DGKB: variants seen among roughly 807,000 people sequenced by gnomAD.
DGKB encodes diacylglycerol kinase beta.
Under a neutral mutation model 114.3 loss-of-function variants are expected in DGKB, and 67 were observed. The ratio of observed to expected loss-of-function variants is 0.59; its 90% CI spans 0.48 to 0.72. DGKB has a LOEUF of 0.72. Among genes scored for constraint, DGKB ranks in the 30% least tolerant of loss-of-function variants. DGKB has a pLI of 0.00. For synonymous variants in DGKB, 398 were observed against 323.1 expected (o/e 1.23, Z -2.49); for missense variants, 907 against 975.2 (o/e 0.93, Z 0.93).
At chr7:14,291,065 C>T (rs1369126429) in intron 23 of DGKB, among the ~76,000 whole-genome samples, 1 of 147,430 alleles carries the variant, frequency 6.8e-6, no homozygotes, top group Non-Finnish European at 1.5e-5. Flanking sequence ...TCACTTGATC[C>T]CAAGAGGCAG....
intron 23 of DGKB, among the ~76,000 whole-genome samples, chr7:14,218,097 G>A (rs565499718): frequency 6.6e-6 from 1 of 152,052 alleles, no homozygotes; most frequent in African/African-American, 2.4e-5. Flanking sequence ...ACATGTCCCA[G>A]ATGAAACTTC....
chr7:14,912,148 C>T (rs112911405), intron 1 of DGKB, among the ~76,000 whole-genome samples: 4 of 151,996 alleles, frequency 2.6e-5, no homozygotes, highest in Non-Finnish European at 4.4e-5. Context: ...TTAGATGAAC[C>T]GGAATCTCTC....
At chr7:14,511,057 G>A (rs1212400265) in intron 20 of DGKB, among the ~76,000 whole-genome samples, 4 of 152,082 alleles carry the variant, frequency 2.6e-5, no homozygotes, top group Admixed American at 1.3e-4. Flanking sequence ...GATTATTAAG[G>A]GTCCTAGGAT....
chr7:14,577,777 T>C (rs1315310754), intron 19 of DGKB, among the ~76,000 whole-genome samples: 2 of 152,204 alleles, frequency 1.3e-5, no homozygotes, highest in Admixed American at 6.5e-5. Context: ...ATTCTTACAG[T>C]GTCAACTTTT....
intron 6 of DGKB, among the ~76,000 whole-genome samples, chr7:14,707,212 T>C (rs1826439599): frequency 7.3e-6 from 1 of 136,352 alleles, no homozygotes; most frequent in Non-Finnish European, 1.6e-5. Context: ...AACTAGAAAA[T>C]CTAGAAGAAA....
chr7:14,873,346 T>C (rs1852769984), intron 1 of DGKB, among the ~76,000 whole-genome samples: 1 of 152,114 alleles, frequency 6.6e-6, no homozygotes, highest in Non-Finnish European at 1.5e-5. Flanking sequence ...CATATTTTGT[T>C]CTTAATCATG....
At chr7:14,257,571 G>C (rs1401240662) in intron 23 of DGKB, among the ~76,000 whole-genome samples, 1 of 152,100 alleles carries the variant, frequency 6.6e-6, no homozygotes, top group African/African-American at 2.4e-5. Context: ...TCGTGATAGT[G>C]AGTTCTCATG....
chr7:14,852,294 GTGTT>G (rs1849457535), intron 1 of DGKB, among the ~76,000 whole-genome samples: 1 of 151,486 alleles, frequency 6.6e-6, no homozygotes, highest in Non-Finnish European at 1.5e-5. Flanking sequence ...GTGTGTGTGT[GTGTT>G]TGTGTGTGTG....
At chr7:14,387,972 C>T (rs1336699145) in intron 21 of DGKB, among the ~76,000 whole-genome samples, 3 of 151,108 alleles carry the variant, frequency 2.0e-5, no homozygotes, top group East Asian at 3.9e-4. Flanking sequence ...CTCCACCCCC[C>T]GGGTTAAAGT....
At chr7:14,820,639 A>G (rs888244201) in intron 2 of DGKB, among the ~76,000 whole-genome samples, 15 of 152,192 alleles carry the variant, frequency 9.9e-5, no homozygotes, top group Admixed American at 3.3e-4. Flanking sequence ...ACAAGAAAAC[A>G]GCAAATGCTC....
intron 1 of DGKB, among the ~76,000 whole-genome samples, chr7:14,947,148 G>A (rs1046772261): frequency 1.3e-5 from 2 of 151,512 alleles, no homozygotes; most frequent in Non-Finnish European, 3.0e-5. Context: ...TCTAATTTTT[G>A]AGATGATTCA....
chr7:14,293,851 C>A (rs1802123067), intron 23 of DGKB, among the ~76,000 whole-genome samples: 1 of 152,152 alleles, frequency 6.6e-6, no homozygotes, highest in African/African-American at 2.4e-5. Flanking sequence ...TCTTTTACAA[C>A]CTTCCTCTCT....
intron 2 of DGKB, among the ~76,000 whole-genome samples, chr7:14,766,620 A>G (rs1187030059): frequency 1.3e-5 from 2 of 151,888 alleles, no homozygotes; most frequent in Non-Finnish European, 2.9e-5. Context: ...ATGAGTGTGG[A>G]ACCCAATAGA....
intron 23 of DGKB, among the ~76,000 whole-genome samples, chr7:14,261,509 A>G (rs1441726088): frequency 1.3e-5 from 2 of 152,144 alleles, no homozygotes; most frequent in Non-Finnish European, 2.9e-5. Context: ...ATTCAACAAA[A>G]ACACCTAAAG....
intron 4 of DGKB, among the ~76,000 whole-genome samples, chr7:14,741,097 G>T (rs958268953): frequency 6.6e-6 from 1 of 152,024 alleles, no homozygotes; most frequent in Non-Finnish European, 1.5e-5. Flanking sequence ...CTTCACAGAT[G>T]GTTAATCCTG....
chr7:14,490,466 A>ATT, intron 20 of DGKB, among the ~76,000 whole-genome samples: 1 of 152,184 alleles, frequency 6.6e-6, no homozygotes. Flanking sequence ...CTAATAAACA[A>ATT]ATACATTCTG....
intron 13 of DGKB, among the ~76,000 whole-genome samples, chr7:14,641,228 TTTTACAATATAGGGATTTGG>T (rs566454379): frequency 0.016 from 2,333 of 146,032 alleles, 11 homozygotes; most frequent in African/African-American, 0.029. Flanking sequence ...CTTCATTACT[TTTTACAATATAGGGATTTGG>T]TTTACAATAT....
At chr7:14,388,863 TTC>T (rs1260636576) in intron 21 of DGKB, among the ~76,000 whole-genome samples, 1 of 152,120 alleles carries the variant, frequency 6.6e-6, no homozygotes, top group Non-Finnish European at 1.5e-5. Flanking sequence ...GTTGAACTCC[TTC>T]TCTCTCTCCT....
intron 18 of DGKB, 30 bp from the exon 19 acceptor site, chr7:14,580,981 A>G: frequency 6.6e-7 from 1 of 1,520,220 alleles, no homozygotes; most frequent in Non-Finnish European, 9.0e-7. Context: ...ACAAATAAAG[A>G]AAATTTTAAG....
Sources: gnomAD v4.1 joint callset for allele counts (sites outside exome capture counted in the v4.1 genomes callset) on GRCh38, gnomAD v4.1.1 for gene constraint, MANE v1.5 for transcripts, NCBI Gene and HGNC (gene_info 2026-07-23, HGNC 2026-07-21) for gene names.